Variants in ANXA8 observed in about 807,000 individuals in gnomAD.
ANXA8 encodes the protein VAC-beta.
ANXA8 carries 9 observed loss-of-function variants against 26.8 expected under a neutral mutation model. That is an observed-to-expected ratio of 0.34 (90% CI 0.20 to 0.59). The LOEUF is 0.59. Ranked by LOEUF, ANXA8 falls within the 20% of genes least tolerant of loss-of-function variation. The pLI is 0.84. For synonymous variants in ANXA8, 39 were observed against 94.8 expected (o/e 0.41, Z 3.42); for missense variants, 83 against 238.5 (o/e 0.35, Z 4.29).
At chr10:47,580,583 T>A in the ANXA8 span, among the ~76,000 whole-genome samples, 223 of 147,506 alleles carry the variant, frequency 1.5e-3, 3 homozygotes, top group Middle Eastern at 6.9e-3. Context: ...GAAAAAAAAA[T>A]TTTAAAATTA....
the ANXA8 span, among the ~76,000 whole-genome samples, chr10:47,769,221 A>G: frequency 2.0e-5 from 3 of 148,954 alleles, no homozygotes; most frequent in South Asian, 6.3e-4. Flanking sequence ...CAAAGGGCCC[A>G]TTTGAGCATG....
At chr10:47,714,551 A>G in the ANXA8 span, among the ~76,000 whole-genome samples, 1 of 79,090 alleles carries the variant, frequency 1.3e-5, no homozygotes, top group Admixed American at 1.5e-4. Flanking sequence ...TAGAGAATAT[A>G]ACAGTAACAA....
At chr10:47,670,337 TG>T in the ANXA8 span, among the ~76,000 whole-genome samples, 2 of 151,944 alleles carry the variant, frequency 1.3e-5, no homozygotes, top group African/African-American at 4.8e-5. Flanking sequence ...GTACAATTTT[TG>T]GGGGTGAACA....
the ANXA8 span, among the ~76,000 whole-genome samples, chr10:47,747,162 C>T: frequency 6.6e-6 from 1 of 151,188 alleles, no homozygotes; most frequent in Non-Finnish European, 1.5e-5. Flanking sequence ...AGCTAAGAGG[C>T]CGAGCATTTG....
At chr10:47,957,174 T>C in the ANXA8 span, among the ~76,000 whole-genome samples, 1 of 150,052 alleles carries the variant, frequency 6.7e-6, no homozygotes, top group Non-Finnish European at 1.5e-5. Context: ...GATCTCTCTG[T>C]GCTCCGATTC....
the ANXA8 span, among the ~76,000 whole-genome samples, chr10:47,622,661 C>T: frequency 2.2e-5 from 2 of 90,198 alleles, 1 homozygote; most frequent in African/African-American, 9.8e-5. Context: ...TTGGTTTAGT[C>T]TAGTGCCTGG....
chr10:47,891,593 GAAAA>G, the ANXA8 span, among the ~76,000 whole-genome samples: 58 of 2,678 alleles, frequency 0.022, no homozygotes, highest in African/African-American at 0.038. Flanking sequence ...CAAATAAATA[GAAAA>G]AAAAAAAAAA....
the ANXA8 span, among the ~76,000 whole-genome samples, chr10:47,951,507 T>C: frequency 6.7e-6 from 1 of 150,356 alleles, no homozygotes; most frequent in Non-Finnish European, 1.5e-5. Context: ...TATAGGCCAA[T>C]GTCCACAAGG....
chr10:47,949,373 T>G, the ANXA8 span, among the ~76,000 whole-genome samples: 5 of 149,872 alleles, frequency 3.3e-5, no homozygotes, highest in African/African-American at 9.9e-5. Flanking sequence ...GCTGGGTAAC[T>G]GTGTATACTT....
the ANXA8 span, chr10:47,758,113 GC>G: frequency 1.4e-6 from 1 of 707,464 alleles, no homozygotes; most frequent in East Asian, 5.6e-5. Flanking sequence ...AAGGACACCA[GC>G]CAGAGTCAGG....
chr10:47,978,192 C>G, the ANXA8 span, among the ~76,000 whole-genome samples: 267 of 152,024 alleles, frequency 1.8e-3, no homozygotes, highest in African/African-American at 6.0e-3. Context: ...AAATGACTGT[C>G]AACCAAGAAT....
the ANXA8 span, among the ~76,000 whole-genome samples, chr10:47,528,368 G>A: frequency 7.8e-6 from 1 of 128,520 alleles, no homozygotes; most frequent in Non-Finnish European, 1.6e-5. Context: ...GTGAGCCACT[G>A]CACCCGGCTA....
At chr10:47,756,981 C>T in the ANXA8 span, among the ~76,000 whole-genome samples, 1 of 127,306 alleles carries the variant, frequency 7.9e-6, no homozygotes, top group African/African-American at 3.0e-5. Flanking sequence ...TGGGTTAGAA[C>T]CCTCCGTAGG....
chr10:47,932,261 A>T, the ANXA8 span, among the ~76,000 whole-genome samples: 1 of 151,084 alleles, frequency 6.6e-6, no homozygotes, highest in Admixed American at 6.6e-5. Flanking sequence ...TCTGCCTGTA[A>T]CGCTTTGTTG....
the ANXA8 span, among the ~76,000 whole-genome samples, chr10:47,765,928 C>T: frequency 6.7e-6 from 1 of 148,934 alleles, no homozygotes; most frequent in Non-Finnish European, 1.5e-5. Flanking sequence ...ATACTCAATG[C>T]CCCTCCCACC....
the ANXA8 span, among the ~76,000 whole-genome samples, chr10:47,558,257 T>C: frequency 6.6e-6 from 1 of 151,916 alleles, no homozygotes; most frequent in Non-Finnish European, 1.5e-5. Context: ...ATAAACGTCA[T>C]GGGTGGTGTG....
chr10:47,958,531 A>G, the ANXA8 span, among the ~76,000 whole-genome samples: 2 of 147,570 alleles, frequency 1.4e-5, no homozygotes, highest in Non-Finnish European at 1.5e-5. Context: ...ACAGACAGGC[A>G]GGGAGGAAAA....
the ANXA8 span, among the ~76,000 whole-genome samples, chr10:47,546,229 C>CT: frequency 7.4e-6 from 1 of 134,442 alleles, no homozygotes; most frequent in Non-Finnish European, 1.6e-5. Context: ...AAAAAAAAAT[C>CT]TTTTTTTGCT....
the ANXA8 span, among the ~76,000 whole-genome samples, chr10:47,733,190 TTTCTTTCTTTCTTTCTTTC>T: frequency 8.6e-6 from 1 of 115,916 alleles, no homozygotes; most frequent in African/African-American, 2.9e-5. Context: ...TCTTTCTTTC[TTTCTTTCTTTCTTTCTTTC>T]TTTCTTTCTT....
Sources: gnomAD v4.1 joint callset for allele counts (sites outside exome capture counted in the v4.1 genomes callset) on GRCh38, gnomAD v4.1.1 for gene constraint, MANE v1.5 for transcripts, NCBI Gene and HGNC (gene_info 2026-07-23, HGNC 2026-07-21) for gene names.